Variants in ZNF664 observed in about 807,000 individuals in gnomAD.
The protein encoded by ZNF664 is zinc finger Organ of Corti 1.
A neutral mutation model predicts 18.2 loss-of-function variants in ZNF664; 10 were observed. The ratio of observed to expected loss-of-function variants is 0.55; its 90% CI spans 0.34 to 0.93. ZNF664 has a LOEUF of 0.93. Among genes scored for constraint, ZNF664 ranks in the 40% least tolerant of loss-of-function variants. ZNF664 has a pLI of 0.02. For synonymous variants in ZNF664, 119 were observed against 104.2 expected, an observed-to-expected ratio of 1.14 and a Z score of -0.86; for missense variants, 193 against 319.0, an observed-to-expected ratio of 0.61 and a Z score of 3.01.
intron 3 of ZNF664, among the ~76,000 whole-genome samples, chr12:124,005,115 C>A (rs1457565676): frequency 6.6e-6 from 1 of 152,158 alleles, no homozygotes; most frequent in Non-Finnish European, 1.5e-5. Context: ...GACCACTGTT[C>A]TAAGCAAAGG....
At chr12:123,983,171 C>G (rs1292676813) in intron 2 of ZNF664, among the ~76,000 whole-genome samples, 3 of 152,038 alleles carry the variant, frequency 2.0e-5, no homozygotes, top group African/African-American at 2.4e-5. Flanking sequence ...AGAAAGCAAG[C>G]AAGTTGTGCT....
At chr12:123,987,518 G>A (rs773091634) in intron 2 of ZNF664, among the ~76,000 whole-genome samples, 2 of 152,156 alleles carry the variant, frequency 1.3e-5, no homozygotes, top group African/African-American at 2.4e-5. Context: ...TATCAGATCA[G>A]CTGCCTTTAT....
intron 2 of ZNF664, 171 bp downstream of exon 2, chr12:123,974,191 C>A: frequency 2.3e-6 from 1 of 430,372 alleles, no homozygotes; most frequent in Non-Finnish European, 3.9e-6. Context: ...GCCACATCAC[C>A]TCTCATTTCC....
chr12:124,007,964 A>G (rs955175140), intron 3 of ZNF664, among the ~76,000 whole-genome samples: 2 of 152,196 alleles, frequency 1.3e-5, no homozygotes, highest in Non-Finnish European at 2.9e-5. Flanking sequence ...CAATGACATG[A>G]TCACATAGTT....
At position 124,012,442 on chromosome 12, in the gene ZNF664, T is replaced by G; in HGVS notation, c.298T>G (p.Ser100Ala). Reference sequence around the variant, plus strand: ...GTGTGGCAAAGCCTTCAATTGGAGCTCCCATCTTCAAATTCATATGAGAGT... The same window carrying G: ...GTGTGGCAAAGCCTTCAATTGGAGCGCCCATCTTCAAATTCATATGAGAGT... ...YECGKAFNWS[S>A]HLQIHMRVHT... is the part of the protein sequence containing the mutation. Residue 100 changes from serine (S) to alanine (A), a missense_variant, in exon 5 of 5, where the codon TCC becomes GCC. Coordinates refer to ENST00000337815, the MANE Select transcript of ZNF664 (RefSeq NM_152437.3). 6.2e-7 allele frequency: 1 copy of G among 1,614,174 alleles called. No homozygotes were observed. The highest frequency in any genetic ancestry group is 2.2e-5 in the East Asian group (1 of 44,890).
At chr12:123,996,522 T>C (rs1444750937) in intron 3 of ZNF664, among the ~76,000 whole-genome samples, 2 of 152,170 alleles carry the variant, frequency 1.3e-5, no homozygotes, top group African/African-American at 2.4e-5. Flanking sequence ...CTTCATGGCC[T>C]CAGGAAGGGC....
Position 124,012,634 on chromosome 12 carries a change from G to A in ZNF664, c.490G>A (p.Val164Ile). Residue 164 changes from valine to isoleucine, a missense_variant, in exon 5 of 5, where the codon GTC (valine) becomes ATC (isoleucine). Physicochemically the swap from Val to Ile is conservative, Grantham distance 29. Transcript: ENST00000337815. The stretch of plus-strand genomic sequence containing the variant: ...CTCCAGCCTCTGCATGCATCAAAGA[G>A]TCCACACAGGAGAGAAACCCTATAA... ...HTSSLCMHQRVHTGEKPYKCY... is the reference protein window; with the variant it reads ...HTSSLCMHQRIHTGEKPYKCY... 1 of 1,614,224 alleles carries A rather than the reference G, an allele frequency of 6.2e-7. No individual in the cohort carries two copies. Among genetic ancestry groups the A allele is most frequent in the Non-Finnish European group, 8.5e-7 (1 of 1,180,040 alleles).
intron 3 of ZNF664, among the ~76,000 whole-genome samples, chr12:123,993,755 A>G (rs1956914747): frequency 6.6e-6 from 1 of 152,234 alleles, no homozygotes; most frequent in Non-Finnish European, 1.5e-5. Flanking sequence ...AAGGCTGAGC[A>G]GAGGTTCTCT....
chr12:123,999,790 C>T (rs888428184), intron 3 of ZNF664, among the ~76,000 whole-genome samples: 18 of 152,156 alleles, frequency 1.2e-4, no homozygotes, highest in African/African-American at 4.3e-4. Context: ...AGGGAGTTCT[C>T]TGATGGGTTC....
chr12:123,995,458 C>T (rs1956937520), intron 3 of ZNF664, among the ~76,000 whole-genome samples: 1 of 152,200 alleles, frequency 6.6e-6, no homozygotes, highest in Non-Finnish European at 1.5e-5. Flanking sequence ...AACGCTGCTC[C>T]ATGGCTCAGT....
At chr12:123,974,679 C>G (rs1312547669) in intron 2 of ZNF664, 3 of 152,306 alleles carry the variant, frequency 2.0e-5, no homozygotes, top group East Asian at 3.9e-4. Flanking sequence ...CCTTCTAGAT[C>G]TTTTGGAGTA....
In ZNF664 at chr12:123,973,284, G is replaced by C. The variant is rs1416715806; in HGVS notation, c.-960G>C. 4.0e-6 allele frequency: 4 copies of C among 1,007,216 alleles called. No individual in the cohort carries two copies. The African/African-American group carries it at 7.0e-5, about 18-fold the overall frequency. 62.4% of individuals were successfully genotyped at this position (1,007,216 alleles called of 1,614,324 possible). A position where few individuals can be genotyped will look rare whatever the true frequency, so the allele number is the denominator to read the frequency against. On this transcript the variant is annotated 5_prime_UTR_variant, in exon 1 of 5. Transcript: ENST00000337815. ...CGCGGCTCGGAGGCGCACCTGTGAG[G>C]TGTCCCTGAGGAGAGGGAGGTGGGT...
intron 3 of ZNF664, among the ~76,000 whole-genome samples, chr12:124,001,963 G>A (rs1404721215): frequency 6.6e-6 from 1 of 152,244 alleles, no homozygotes; most frequent in East Asian, 1.9e-4. Flanking sequence ...AGAGAGCAGG[G>A]AGAGGAGCAC....
intron 1 of ZNF664, 159 bp from the exon 2 acceptor site, chr12:123,973,727 G>T (rs1324219969): frequency 6.7e-6 from 8 of 1,188,590 alleles, no homozygotes; most frequent in Non-Finnish European, 8.4e-6. Context: ...TGTTGGAGCC[G>T]AGGGAAGGGG....
chr12:124,013,268 T>A lies in ZNF664; in HGVS notation c.*338T>A. ...CCTGAGTCACCTTCTATCTATACTTTGCTTAAAAGCTATCCCAGATACTCC... is the reference window on the plus strand; with the variant it reads ...CCTGAGTCACCTTCTATCTATACTTAGCTTAAAAGCTATCCCAGATACTCC... On this transcript the variant is annotated 3_prime_UTR_variant, in exon 5 of 5. Coordinates refer to ENST00000337815, the MANE Select transcript of ZNF664 (RefSeq NM_152437.3). 1 of 308,126 alleles carries A rather than the reference T, an allele frequency of 3.2e-6. No homozygotes were observed. Among genetic ancestry groups the A allele is most frequent in the Non-Finnish European group, 6.3e-6 (1 of 158,280 alleles). The allele number at this position is 308,126 out of a possible 1,614,324, so 19.1% of individuals were successfully genotyped here. A position where few individuals can be genotyped will look rare whatever the true frequency, so the allele number is the denominator to read the frequency against.
chr12:124,007,147 A>G (rs933941631), intron 3 of ZNF664, among the ~76,000 whole-genome samples: 3 of 152,088 alleles, frequency 2.0e-5, no homozygotes, highest in Admixed American at 2.0e-4. Context: ...TCTTTTTCCT[A>G]CAGAATGCAC....
At chr12:124,002,424 C>T (rs1227144429) in intron 3 of ZNF664, among the ~76,000 whole-genome samples, 1 of 152,202 alleles carries the variant, frequency 6.6e-6, no homozygotes, top group Non-Finnish European at 1.5e-5. Context: ...CTCTAACTTA[C>T]ATTTTTAAAA....
At chr12:123,986,664 CAG>C (rs1177293473) in intron 2 of ZNF664, among the ~76,000 whole-genome samples, 1 of 152,172 alleles carries the variant, frequency 6.6e-6, no homozygotes, top group East Asian at 1.9e-4. Context: ...CATCATATGT[CAG>C]AGTTAAGCTC....
At chr12:124,005,601 G>A (rs1199221962) in intron 3 of ZNF664, among the ~76,000 whole-genome samples, 1 of 151,752 alleles carries the variant, frequency 6.6e-6, no homozygotes, top group African/African-American at 2.4e-5. Context: ...TAGGTGACAT[G>A]TTGGCCTGAA....
Sources: gnomAD v4.1 joint callset for allele counts (sites outside exome capture counted in the v4.1 genomes callset) on GRCh38, gnomAD v4.1.1 for gene constraint, MANE v1.5 for transcripts, NCBI Gene and HGNC (gene_info 2026-07-23, HGNC 2026-07-21) for gene names.